PPP1R3B: variants seen among roughly 807,000 people sequenced by gnomAD.
The protein encoded by PPP1R3B is PP1 subunit R4.
Under a neutral mutation model 14.6 loss-of-function variants are expected in PPP1R3B, and 8 were observed. The ratio of observed to expected loss-of-function variants is 0.55; its 90% CI spans 0.32 to 0.99. The LOEUF is 0.99. PPP1R3B is among the 50% of genes least tolerant of loss of function. PPP1R3B has a pLI of 0.04. For synonymous variants in PPP1R3B, 169 were observed against 142.0 expected (o/e 1.19, Z -1.35); for missense variants, 452 against 360.1 (o/e 1.26, Z -2.07).
rs1242663625 is a variant in PPP1R3B, at chr8:9,139,571, CG to C, written c.*1222del. 6.6e-6 allele frequency: 1 copy of C among 152,050 alleles called. No homozygotes were observed. The highest frequency in any genetic ancestry group is 2.4e-5 in the African/African-American group (1 of 41,396). 9.4% of individuals were successfully genotyped at this position (152,050 alleles called of 1,614,324 possible). The stretch of plus-strand genomic sequence containing the variant: ...ATTCTCTTTTTTTTTCTGTTTGAGA[CG>C]GAGTCTCGCTCTGCTGCCCAGGCGG... On this transcript the variant is annotated 3_prime_UTR_variant, in exon 2 of 2. Transcript: ENST00000310455.
Position 9,140,750 on chromosome 8 carries a change from G to C in PPP1R3B, c.*44C>G. ...CTCCACTGCACAGTGAGCAGAGCTA[G>C]GCTTGTCTGTGGCAGCTCCGCCACG... On this transcript the variant is annotated 3_prime_UTR_variant, in exon 2 of 2. Coordinates refer to ENST00000310455, the MANE Select transcript of PPP1R3B (RefSeq NM_024607.4). 6.3e-7 allele frequency: 1 copy of C among 1,599,600 alleles called. No homozygotes were observed. The highest frequency in any genetic ancestry group is 8.5e-7 in the Non-Finnish European group (1 of 1,172,100).
intron 1 of PPP1R3B, among the ~76,000 whole-genome samples, chr8:9,145,855 C>T (rs148732014): frequency 5.2e-4 from 79 of 150,812 alleles, no homozygotes; most frequent in African/African-American, 1.6e-3. Flanking sequence ...CCCATCACTA[C>T]TGCCTCACTA....
chr8:9,148,759 A>G (rs1442039111), intron 1 of PPP1R3B, among the ~76,000 whole-genome samples: 7 of 152,144 alleles, frequency 4.6e-5, no homozygotes, highest in Non-Finnish European at 1.5e-5. Flanking sequence ...TAACCCTATG[A>G]CCTTCACGGT....
intron 1 of PPP1R3B, among the ~76,000 whole-genome samples, chr8:9,149,433 G>A (rs1239277945): frequency 6.6e-6 from 1 of 152,086 alleles, no homozygotes; most frequent in African/African-American, 2.4e-5. Context: ...AACCCGGGAG[G>A]CGGAGCTTAC....
Position 9,141,092 on chromosome 8 carries a change from G to A in PPP1R3B, c.560C>T (p.Ser187Leu). The A allele has an allele frequency of 6.2e-7, 1 of 1,614,166 alleles. No individual in the cohort carries two copies. The highest frequency in any genetic ancestry group is 8.5e-7 in the Non-Finnish European group (1 of 1,180,046). Residue 187 changes from serine (S) to leucine (L), a missense_variant, in exon 2 of 2, where the codon TCA (serine) becomes TTA (leucine). By Grantham distance (145) the Ser-to-Leu change is moderately radical (BLOSUM62 -2). Transcript: ENST00000310455. ...GTCGAAGGAGAACGTGTCCCTGTCT[G>A]AACCGGCATAAGTGTCCTTCACGTA... ...CQYVKDTYAG[S>L]DRDTFSFDIS...
chr8:9,141,057 G>T lies in PPP1R3B; in HGVS notation c.595C>A (p.Pro199Thr). The T allele has an allele frequency of 6.2e-7, 1 of 1,614,192 alleles. No individual in the cohort carries two copies. The highest frequency in any genetic ancestry group is 1.1e-5 in the South Asian group (1 of 91,080). The change falls in exon 2 of 2, where the codon CCC becomes ACC. Residue 199 changes from proline (P) to threonine (T), a missense_variant. Transcript: ENST00000310455. ...RDTFSFDISL[P>T]EKIQSYERME... is the part of the protein sequence containing the mutation. ...CTTTCATAAGACTGAATCTTCTCGG[G>T]CAAGCTGATGTCGAAGGAGAACGTG...
intron 1 of PPP1R3B, among the ~76,000 whole-genome samples, chr8:9,149,753 C>T (rs960755359): frequency 1.3e-5 from 2 of 152,240 alleles, no homozygotes; most frequent in African/African-American, 4.8e-5. Flanking sequence ...TATTCACAGC[C>T]TTAAAGGCTC....
chr8:9,143,697 A>G (rs149765181), intron 1 of PPP1R3B, among the ~76,000 whole-genome samples: 3,435 of 151,964 alleles, frequency 0.023, 44 homozygotes, highest in East Asian at 0.066. Flanking sequence ...CTCTGTCTCA[A>G]AAAAAATAAA....
Position 9,138,321 on chromosome 8 carries a change from T to C in PPP1R3B, c.*2473A>G, listed in dbSNP as rs1237841553. The stretch of plus-strand genomic sequence containing the variant: ...CATAAGGTAAAAATGTGATTTCCCC[T>C]AAAATTATAACATCATGTCATCCTA... On this transcript the variant is annotated 3_prime_UTR_variant, in exon 2 of 2. Transcript: ENST00000310455. 6.6e-6 allele frequency: 1 copy of C among 152,194 alleles called. No homozygotes were observed. The highest frequency in any genetic ancestry group is 2.4e-5 in the African/African-American group (1 of 41,448). The allele number at this position is 152,194 out of a possible 1,614,324, so 9.4% of individuals were successfully genotyped here.
At position 9,140,755 on chromosome 8, in the gene PPP1R3B, GT is replaced by G. The variant is rs764703584; in HGVS notation, c.*38del. The G allele has an allele frequency of 1.9e-6, 3 of 1,602,934 alleles. No individual in the cohort carries two copies. In the African/African-American group the frequency reaches 4.0e-5, roughly 21 times the overall value. ...CTGCACAGTGAGCAGAGCTAGGCTT[GT>G]CTGTGGCAGCTCCGCCACGCCCTGT... On this transcript the variant is annotated 3_prime_UTR_variant, in exon 2 of 2. Transcript: ENST00000310455.
chr8:9,147,548 T>C (rs558968462), intron 1 of PPP1R3B, among the ~76,000 whole-genome samples: 23 of 152,116 alleles, frequency 1.5e-4, no homozygotes, highest in African/African-American at 4.8e-4. Context: ...TCTCAAGATA[T>C]TGTGGAAACA....
At chr8:9,145,764 A>G (rs1267406950) in intron 1 of PPP1R3B, among the ~76,000 whole-genome samples, 1 of 152,252 alleles carries the variant, frequency 6.6e-6, no homozygotes, top group Non-Finnish European at 1.5e-5. Context: ...TATATCTTCT[A>G]AAATAATATT....
At chr8:9,146,624 CAAAT>C (rs1169846808) in intron 1 of PPP1R3B, among the ~76,000 whole-genome samples, 1 of 152,144 alleles carries the variant, frequency 6.6e-6, no homozygotes. Flanking sequence ...TATTCGGAAA[CAAAT>C]AAAACAATAA....
chr8:9,138,874 G>A lies in PPP1R3B; in HGVS notation c.*1920C>T, dbSNP rs148178016. On this transcript the variant is annotated 3_prime_UTR_variant, in exon 2 of 2. Coordinates refer to ENST00000310455, the MANE Select transcript of PPP1R3B (RefSeq NM_024607.4). ...GCACCCCTAAGTAAACACCAATCTTGCCCAAGAAAAATCACAGGTTTGGGG... is the reference window on the plus strand; with the variant it reads ...GCACCCCTAAGTAAACACCAATCTTACCCAAGAAAAATCACAGGTTTGGGG... 2 of 151,652 alleles carry A rather than the reference G, an allele frequency of 1.3e-5. No homozygotes were observed. Among genetic ancestry groups the A allele is most frequent in the East Asian group, 4.0e-4 (2 of 5,050 alleles). The allele number at this position is 151,652 out of a possible 1,614,324, so 9.4% of individuals were successfully genotyped here. A position where few individuals can be genotyped will look rare whatever the true frequency, so the allele number is the denominator to read the frequency against.
chr8:9,142,067 C>CT (rs1020094655), intron 1 of PPP1R3B, among the ~76,000 whole-genome samples: 1 of 152,182 alleles, frequency 6.6e-6, no homozygotes, highest in African/African-American at 2.4e-5. Context: ...AAAAGGGTGT[C>CT]TTCCACAGAT....
chr8:9,142,622 C>A (rs1473609668), intron 1 of PPP1R3B, among the ~76,000 whole-genome samples: 4 of 152,018 alleles, frequency 2.6e-5, no homozygotes, highest in African/African-American at 9.7e-5. Context: ...TTTATTCCTC[C>A]CGTCTACCTG....
Position 9,141,080 on chromosome 8 carries a change from G to T in PPP1R3B, c.572C>A (p.Thr191Lys). 1 of 1,614,148 alleles carries T rather than the reference G, an allele frequency of 6.2e-7. No individual in the cohort carries two copies. The highest frequency in any genetic ancestry group is 8.5e-7 in the Non-Finnish European group (1 of 1,180,034). Residue 191 changes from threonine to lysine, a missense_variant, in exon 2 of 2, where the codon ACG (threonine) becomes AAG (lysine). Thr to Lys is a moderately conservative substitution (Grantham distance 78). Transcript: ENST00000310455. ...GGGCAAGCTGATGTCGAAGGAGAAC[G>T]TGTCCCTGTCTGAACCGGCATAAGT... The part of the protein sequence containing the change: ...KDTYAGSDRD[T>K]FSFDISLPEK...
chr8:9,143,333 A>C (rs1477204018), intron 1 of PPP1R3B, among the ~76,000 whole-genome samples: 1 of 152,212 alleles, frequency 6.6e-6, no homozygotes, highest in African/African-American at 2.4e-5. Context: ...ACTGGGATTC[A>C]ATAGTGAAGA....
chr8:9,144,042 T>C (rs770864972), intron 1 of PPP1R3B, among the ~76,000 whole-genome samples: 14 of 151,898 alleles, frequency 9.2e-5, no homozygotes, highest in African/African-American at 2.4e-4. Context: ...GAATAGAAAA[T>C]TCATGAAAAA....
Sources: allele counts gnomAD v4.1 joint callset (sites outside exome capture counted in the v4.1 genomes callset), GRCh38; gene constraint gnomAD v4.1.1; transcripts MANE v1.5; gene names NCBI Gene and HGNC (gene_info 2026-07-23, HGNC 2026-07-21).